The following FUT8 variants were observed in gnomAD, a reference collection of about 807,000 sequenced individuals.
FUT8 encodes fucosyltransferase 8.
In FUT8, 29 loss-of-function variants were observed where a neutral mutation model predicts 71.3. The ratio of observed to expected loss-of-function variants is 0.41; its 90% CI spans 0.30 to 0.55. FUT8 has a LOEUF of 0.55. Among genes scored for constraint, FUT8 ranks in the 20% least tolerant of loss-of-function variants. The probability of loss-of-function intolerance (pLI) is 0.34; values close to 1 mark genes in which losing one functional copy is unlikely to be tolerated. For synonymous variants in FUT8, 254 were observed against 239.3 expected (o/e 1.06, Z -0.57); for missense variants, 544 against 702.1 (o/e 0.77, Z 2.55).
chr14:65,484,176 T>A (rs1212915814), intron 2 of FUT8, among the ~76,000 whole-genome samples: 1 of 152,214 alleles, frequency 6.6e-6, no homozygotes, highest in African/African-American at 2.4e-5. Context: ...ACAAAGCATG[T>A]CTTTTGTGAA....
chr14:65,459,034 C>A (rs1457408383), intron 2 of FUT8, among the ~76,000 whole-genome samples: 3 of 152,154 alleles, frequency 2.0e-5, no homozygotes, highest in Non-Finnish European at 4.4e-5. Context: ...AGCGGTCTGC[C>A]CACCTCAGCC....
intron 2 of FUT8, among the ~76,000 whole-genome samples, chr14:65,517,117 T>C (rs1410277672): frequency 6.6e-6 from 1 of 152,104 alleles, no homozygotes; most frequent in Non-Finnish European, 1.5e-5. Flanking sequence ...CATTTATCTA[T>C]CAGTGGACAT....
the FUT8 span, among the ~76,000 whole-genome samples, chr14:65,390,338 AT>A: frequency 2.0e-5 from 3 of 150,744 alleles, no homozygotes; most frequent in Non-Finnish European, 4.4e-5. Flanking sequence ...AAAAAAAAAA[AT>A]ACATGCTTGT....
intron 2 of FUT8, among the ~76,000 whole-genome samples, chr14:65,510,498 A>G (rs117222888): frequency 0.012 from 1,828 of 152,140 alleles, 15 homozygotes; most frequent in South Asian, 0.024. Context: ...TTTCAGTAGG[A>G]TTGGTATTAG....
chr14:65,502,051 C>T (rs1431999545), intron 2 of FUT8, among the ~76,000 whole-genome samples: 1 of 151,902 alleles, frequency 6.6e-6, no homozygotes, highest in Non-Finnish European at 1.5e-5. Context: ...GCTGGGACTA[C>T]AGGCACCTGC....
At chr14:65,381,171 T>G in the FUT8 span, among the ~76,000 whole-genome samples, 2 of 152,240 alleles carry the variant, frequency 1.3e-5, no homozygotes, top group Non-Finnish European at 2.9e-5. Context: ...ACTATCTTTT[T>G]GAAGCCCCAT....
chr14:65,445,068 G>A (rs772106083), intron 1 of FUT8, among the ~76,000 whole-genome samples: 15 of 152,144 alleles, frequency 9.9e-5, no homozygotes, highest in Non-Finnish European at 1.6e-4. Flanking sequence ...TTAGATGGGC[G>A]TGGTGGTGAG....
the FUT8 span, among the ~76,000 whole-genome samples, chr14:65,386,215 G>A: frequency 6.6e-6 from 1 of 151,958 alleles, no homozygotes; most frequent in Non-Finnish European, 1.5e-5. Context: ...GCTATGGCAG[G>A]AGAATTTCTT....
chr14:65,407,344 C>T (rs2065091959), upstream of FUT8, among the ~76,000 whole-genome samples: 1 of 152,190 alleles, frequency 6.6e-6, no homozygotes, highest in South Asian at 2.1e-4. Context: ...AGGTTTTAAT[C>T]TCTTCATCTG....
chr14:65,641,850 C>T (rs1456528752), intron 6 of FUT8, among the ~76,000 whole-genome samples: 1 of 148,636 alleles, frequency 6.7e-6, no homozygotes, highest in Non-Finnish European at 1.5e-5. Flanking sequence ...CTGCTTAAAT[C>T]TTCTGCCTAT....
At chr14:65,700,250 C>G (rs1346091625) in intron 7 of FUT8, among the ~76,000 whole-genome samples, 2 of 152,088 alleles carry the variant, frequency 1.3e-5, no homozygotes, top group Non-Finnish European at 2.9e-5. Flanking sequence ...CCTGAATATT[C>G]ATATTTTCCC....
intron 2 of FUT8, chr14:65,468,351 G>T: frequency 1.8e-6 from 1 of 560,214 alleles, no homozygotes; most frequent in South Asian, 1.6e-5. Flanking sequence ...TCCTTTTGGC[G>T]AATTACTGGA....
At chr14:65,509,588 A>G (rs1371408884) in intron 2 of FUT8, among the ~76,000 whole-genome samples, 2 of 151,948 alleles carry the variant, frequency 1.3e-5, no homozygotes, top group African/African-American at 4.8e-5. Context: ...ATCCTCTTCA[A>G]TTTCTTTCAT....
chr14:65,379,825 C>A, the FUT8 span, among the ~76,000 whole-genome samples: 1 of 152,168 alleles, frequency 6.6e-6, no homozygotes, highest in South Asian at 2.1e-4. Flanking sequence ...GCATTTGATA[C>A]CTGGTGAGGG....
At chr14:65,558,196 A>G (rs556513657) in intron 2 of FUT8, among the ~76,000 whole-genome samples, 14 of 151,762 alleles carry the variant, frequency 9.2e-5, no homozygotes, top group Non-Finnish European at 1.8e-4. Context: ...GCCGGGCGCC[A>G]CAGCAGACAC....
chr14:65,386,825 T>C, the FUT8 span, among the ~76,000 whole-genome samples: 1 of 148,960 alleles, frequency 6.7e-6, no homozygotes, highest in Non-Finnish European at 1.5e-5. Flanking sequence ...TATTTGTGTT[T>C]GTCTTCCTTT....
At chr14:65,657,246 C>G (rs575124360) in intron 6 of FUT8, among the ~76,000 whole-genome samples, 1 of 152,238 alleles carries the variant, frequency 6.6e-6, no homozygotes, top group Non-Finnish European at 1.5e-5. Flanking sequence ...TTAGTACAAC[C>G]ACTATGAAGA....
chr14:65,474,441 G>GAAAGAAAAAAAAAAAAAAAAAA (rs2066199790), intron 2 of FUT8, among the ~76,000 whole-genome samples: 1 of 39,698 alleles, frequency 2.5e-5, no homozygotes, highest in Non-Finnish European at 4.7e-5. Context: ...TGTCTCTACT[G>GAAAGAAAAAAAAAAAAAAAAAA]AAAAAAAAAA....
At chr14:65,399,290 T>G in the FUT8 span, among the ~76,000 whole-genome samples, 1 of 152,148 alleles carries the variant, frequency 6.6e-6, no homozygotes, top group African/African-American at 2.4e-5. Flanking sequence ...GCACTCCAGC[T>G]AGGGCGATAG....
Sources: allele counts gnomAD v4.1 joint callset (sites outside exome capture counted in the v4.1 genomes callset), GRCh38; gene constraint gnomAD v4.1.1; transcripts MANE v1.5; gene names NCBI Gene and HGNC (gene_info 2026-07-23, HGNC 2026-07-21).